The following MMP26 variants were observed in gnomAD, a reference collection of about 807,000 sequenced individuals.
MMP26 encodes the protein matrix metalloproteinase-26.
Under a neutral mutation model 31.0 loss-of-function variants are expected in MMP26, and 33 were observed. That is an observed-to-expected ratio of 1.06 (90% CI 0.81 to 1.42). The LOEUF (loss-of-function observed/expected upper bound fraction) is 1.42, where lower values mean the gene tolerates loss of function less well. Ranked by LOEUF, MMP26 falls within the 40% of genes most tolerant of loss-of-function variation. MMP26 has a pLI of 0.00. For missense variants in MMP26, 347 were observed against 316.1 expected (o/e 1.10, Z -0.74); for synonymous variants, 122 against 114.9 (o/e 1.06, Z -0.40).
intron 1 of MMP26, among the ~76,000 whole-genome samples, chr11:4,706,931 A>G (rs1323199956): frequency 2.6e-5 from 4 of 152,220 alleles, no homozygotes; most frequent in Non-Finnish European, 4.4e-5. Flanking sequence ...AAGGTTGAAT[A>G]GTATTCTATT....
chr11:4,986,511 A>ATTTTTTTT (rs58016783), intron 2 of MMP26, among the ~76,000 whole-genome samples: 2 of 31,608 alleles, frequency 6.3e-5, no homozygotes, highest in Non-Finnish European at 1.1e-4. Flanking sequence ...TGCCCAGTCG[A>ATTTTTTTT]TTTTTTTTTT....
intron 2 of MMP26, among the ~76,000 whole-genome samples, chr11:4,849,493 G>A (rs1849943026): frequency 6.6e-6 from 1 of 151,820 alleles, no homozygotes; most frequent in African/African-American, 2.4e-5. Context: ...TGTTTTTTTA[G>A]CTTGCCTCTC....
At chr11:4,957,934 C>G (rs531773143) in intron 2 of MMP26, among the ~76,000 whole-genome samples, 2 of 152,106 alleles carry the variant, frequency 1.3e-5, no homozygotes, top group Non-Finnish European at 2.9e-5. Flanking sequence ...CTTGCTTCAG[C>G]CTCCCAGCAT....
At chr11:4,838,520 G>C (rs1287100816) in intron 2 of MMP26, among the ~76,000 whole-genome samples, 2 of 151,884 alleles carry the variant, frequency 1.3e-5, no homozygotes, top group African/African-American at 4.8e-5. Context: ...GCATTTATTA[G>C]AGCATTGCTT....
intron 2 of MMP26, chr11:4,786,789 A>G (rs1468536733): frequency 6.6e-6 from 1 of 152,580 alleles, no homozygotes; most frequent in Non-Finnish European, 1.5e-5. Context: ...CTGAGTTCCC[A>G]ATCTTCCTCC....
chr11:4,833,728 C>T (rs1849677200), intron 2 of MMP26, among the ~76,000 whole-genome samples: 1 of 152,098 alleles, frequency 6.6e-6, no homozygotes, highest in South Asian at 2.1e-4. Flanking sequence ...GAAAGGGAAA[C>T]ATAGAGACTA....
At chr11:4,941,459 T>C (rs966402966) in intron 2 of MMP26, among the ~76,000 whole-genome samples, 18 of 152,228 alleles carry the variant, frequency 1.2e-4, no homozygotes, top group Non-Finnish European at 1.5e-5. Context: ...CGGGTTCTTA[T>C]ACAGTTGGTG....
intron 2 of MMP26, among the ~76,000 whole-genome samples, chr11:4,893,645 G>C (rs1360180148): frequency 6.6e-6 from 1 of 152,082 alleles, no homozygotes; most frequent in Non-Finnish European, 1.5e-5. Context: ...ATCCAATTCT[G>C]TCACTATATT....
intron 2 of MMP26, among the ~76,000 whole-genome samples, chr11:4,962,646 A>AT (rs1486338974): frequency 6.6e-6 from 1 of 152,104 alleles, no homozygotes; most frequent in Non-Finnish European, 1.5e-5. Context: ...CGGGATTTTA[A>AT]TTTTTTTCTG....
Position 4,992,385 on chromosome 11 carries a change from C to T in MMP26, c.*143C>T, listed in dbSNP as rs1847022004. 2 of 691,078 alleles carry T rather than the reference C, an allele frequency of 2.9e-6. No homozygotes were observed. The allele number at this position is 691,078 out of a possible 1,614,324, so 42.8% of individuals were successfully genotyped here. A position where few individuals can be genotyped will look rare whatever the true frequency, so the allele number is the denominator to read the frequency against. On this transcript the variant is annotated 3_prime_UTR_variant, in exon 8 of 8. Coordinates refer to ENST00000380390, the MANE Select transcript of MMP26 (RefSeq NM_021801.5). ...CCTAGTCAGGTTAGCTGAACCGACA[C>T]TCAAAACGCTACTGAGTCACAATAA...
chr11:4,953,778 G>A (rs7120863), intron 2 of MMP26, among the ~76,000 whole-genome samples: 117,367 of 124,632 alleles, frequency 0.94, 56,920 homozygotes, highest in East Asian at 1. Context: ...TCGGCTTGGC[G>A]TGTTGGCTCA....
intron 2 of MMP26, among the ~76,000 whole-genome samples, chr11:4,825,076 T>C (rs774333270): frequency 1.3e-5 from 2 of 152,130 alleles, no homozygotes; most frequent in South Asian, 2.1e-4. Flanking sequence ...CAATGAGAAA[T>C]GATAGGGCAG....
intron 2 of MMP26, among the ~76,000 whole-genome samples, chr11:4,817,567 A>G (rs1180093897): frequency 6.6e-6 from 1 of 152,236 alleles, no homozygotes; most frequent in Non-Finnish European, 1.5e-5. Context: ...ATTCTGGGCA[A>G]CAGAGTGAGA....
At chr11:4,804,241 G>A (rs558154651) in intron 2 of MMP26, 4 of 1,613,956 alleles carry the variant, frequency 2.5e-6, no homozygotes, top group African/African-American at 1.3e-5. Flanking sequence ...ATGGAGGAGA[G>A]TGATATTTCC....
chr11:4,803,410 A>G (rs1369160372), intron 2 of MMP26: 1 of 1,447,356 alleles, frequency 6.9e-7, no homozygotes, highest in Admixed American at 1.9e-5. Flanking sequence ...AATGTAAGTG[A>G]TGGGGATACA....
chr11:4,849,138 C>A, intron 2 of MMP26: 1 of 1,614,006 alleles, frequency 6.2e-7, no homozygotes, highest in South Asian at 1.1e-5. Context: ...GCCTGGCATG[C>A]CCACCAGCAA....
intron 2 of MMP26, among the ~76,000 whole-genome samples, chr11:4,918,504 A>C (rs1851132181): frequency 6.6e-6 from 1 of 152,144 alleles, no homozygotes; most frequent in South Asian, 2.1e-4. Context: ...AATTCAGAAT[A>C]ATGATGCCAG....
At chr11:4,739,766 A>G (rs77912243) in intron 1 of MMP26, among the ~76,000 whole-genome samples, 2,500 of 151,924 alleles carry the variant, frequency 0.016, 30 homozygotes, top group East Asian at 0.06. Flanking sequence ...TCCTGCTCTT[A>G]TAGGCCACTG....
At position 4,784,595 on chromosome 11, in the gene MMP26, A is replaced by G. The variant is rs561967312; in HGVS notation, c.-145+17254A>G. ...TAGCATCATGTAGCCACATGCCAAGAAAGATCTGAAGCCGTGACAGCTGGA... is the reference window on the plus strand; with the variant it reads ...TAGCATCATGTAGCCACATGCCAAGGAAGATCTGAAGCCGTGACAGCTGGA... On this transcript the variant is annotated intron_variant, in intron 2 of 7. Transcript: ENST00000380390. Among the ~76,000 whole-genome samples the G allele has an allele frequency of 1.6e-4, 25 of 152,324 alleles. No homozygotes were observed. In the East Asian group the frequency reaches 4.8e-3, roughly 29 times the overall value.
Sources: gnomAD v4.1 joint callset for allele counts (sites outside exome capture counted in the v4.1 genomes callset) on GRCh38, gnomAD v4.1.1 for gene constraint, MANE v1.5 for transcripts, NCBI Gene and HGNC (gene_info 2026-07-23, HGNC 2026-07-21) for gene names.